CD160: variants seen among roughly 807,000 people sequenced by gnomAD.
CD160 encodes the protein CD160 antigen.
A neutral mutation model predicts 19.2 loss-of-function variants in CD160; 11 were observed. That is an observed-to-expected ratio of 0.57 (90% confidence interval 0.36 to 0.95). The LOEUF is 0.95. Ranked by LOEUF, CD160 falls within the 40% of genes least tolerant of loss-of-function variation. The pLI is 0.01. For missense variants in CD160, 182 were observed against 213.2 expected (o/e 0.85, Z 0.91); for synonymous variants, 75 against 81.1 (o/e 0.93, Z 0.40).
chr1:145,720,019 A>G (rs1656766825), intron 1 of CD160, among the ~76,000 whole-genome samples: 1 of 152,216 alleles, frequency 6.6e-6, no homozygotes, highest in African/African-American at 2.4e-5. Flanking sequence ...GGAAAAATAC[A>G]TCTTTATTTT....
intron 5 of CD160, 137 bp downstream of exon 5, chr1:145,736,271 T>G (rs1553710179): frequency 6.4e-7 from 1 of 1,557,416 alleles, no homozygotes; most frequent in Admixed American, 2.0e-5. Context: ...GCCCTGGCTA[T>G]CCACAGGAAA....
At chr1:145,726,599 G>A (rs1255261698) in intron 2 of CD160, among the ~76,000 whole-genome samples, 1 of 152,158 alleles carries the variant, frequency 6.6e-6, no homozygotes, top group Non-Finnish European at 1.5e-5. Flanking sequence ...GGGCCCGGGG[G>A]AGGGATAGCA....
At chr1:145,722,429 C>T (rs78924314) in intron 1 of CD160, among the ~76,000 whole-genome samples, 3,890 of 152,202 alleles carry the variant, frequency 0.026, 182 homozygotes, top group African/African-American at 0.089. Flanking sequence ...CTAAAACGTC[C>T]GCCTCTGCTG....
At position 145,730,761 on chromosome 1, in the gene CD160, A is replaced by G. The variant is rs1553709019; in HGVS notation, c.91A>G (p.Ser31Gly). 1 of 1,613,030 alleles carries G rather than the reference A, an allele frequency of 6.2e-7. No individual in the cohort carries two copies. Among genetic ancestry groups the G allele is most frequent in the East Asian group, 2.2e-5 (1 of 44,886 alleles). Residue 31 changes from serine to glycine, a missense_variant, in exon 4 of 6, where the codon AGC (serine) becomes GGC (glycine). By Grantham distance (56) the Ser-to-Gly change is moderately conservative. Transcript: ENST00000369288. The part of the protein sequence containing the change: ...IQSGGCINIT[S>G]SASQEGTRLN... The stretch of plus-strand genomic sequence containing the variant: ...CATTCCAGGATGCATTAACATCACC[A>G]GCTCAGCTTCCCAGGAAGGAACGCG...
At chr1:145,726,545 C>A (rs1275674893) in intron 2 of CD160, among the ~76,000 whole-genome samples, 12 of 152,100 alleles carry the variant, frequency 7.9e-5, no homozygotes, top group African/African-American at 2.7e-4. Flanking sequence ...AACACATGAA[C>A]CCAGGGTGGG....
At chr1:145,720,547 C>T (rs782640366) in intron 1 of CD160, among the ~76,000 whole-genome samples, 12 of 152,178 alleles carry the variant, frequency 7.9e-5, no homozygotes, top group Admixed American at 5.9e-4. Flanking sequence ...CCCTTCACAG[C>T]TGCAAATGAG....
At position 145,728,335 on chromosome 1, in the gene CD160, T is replaced by A; in HGVS notation, c.8T>A (p.Leu3Ter). The A allele has an allele frequency of 6.2e-7, 1 of 1,612,768 alleles. No individual in the cohort carries two copies. ML[L>*]EPGRGCCALA... is the part of the protein sequence containing the mutation. ...CTGCTGACAGCGTGCAGGATGCTGT[T>A]GGAACCCGGCAGAGGCTGCTGTGCC... Residue 3 changes from leucine to a stop codon, truncating the protein, a stop_gained, in exon 3 of 6, where the codon TTG (leucine) becomes TAG (stop). Coordinates refer to ENST00000369288, the MANE Select transcript of CD160 (RefSeq NM_007053.4). LOFTEE classifies it high-confidence loss of function.
intron 2 of CD160, among the ~76,000 whole-genome samples, chr1:145,725,202 A>G (rs1411087744): frequency 2.0e-5 from 3 of 151,762 alleles, no homozygotes; most frequent in African/African-American, 7.3e-5. Flanking sequence ...GGTGGATCAC[A>G]AGGTTAGGAG....
intron 4 of CD160, among the ~76,000 whole-genome samples, chr1:145,733,296 CAACT>C (rs782813962): frequency 2.7e-4 from 41 of 152,104 alleles, no homozygotes; most frequent in Non-Finnish European, 5.3e-4. Context: ...ACCACCCATC[CAACT>C]AATTTTTTTT....
intron 5 of CD160, chr1:145,737,125 G>A (rs1231540482): frequency 2.0e-5 from 3 of 152,008 alleles, no homozygotes; most frequent in African/African-American, 7.3e-5. Context: ...ATTAGGCATG[G>A]TGGCACACAA....
chr1:145,726,895 CA>C (rs782599400), intron 2 of CD160, among the ~76,000 whole-genome samples: 1 of 152,052 alleles, frequency 6.6e-6, no homozygotes, highest in Non-Finnish European at 1.5e-5. Context: ...ATTCTCGGAT[CA>C]AAAGAATCAA....
intron 5 of CD160, 43 bp downstream of exon 5, chr1:145,736,177 CTAT>C (rs1553710141): frequency 6.2e-7 from 1 of 1,613,586 alleles, no homozygotes; most frequent in South Asian, 1.1e-5. Flanking sequence ...AATGAGGGTG[CTAT>C]TATATTTCTG....
intron 4 of CD160, 68 bp downstream of exon 4, chr1:145,731,138 C>G (rs1657277150): frequency 3.2e-6 from 4 of 1,252,394 alleles, no homozygotes; most frequent in South Asian, 1.4e-5. Context: ...GGAGATGTAA[C>G]CAGATAGTTC....
chr1:145,720,087 C>G (rs1656769291), intron 1 of CD160, among the ~76,000 whole-genome samples: 2 of 152,138 alleles, frequency 1.3e-5, no homozygotes, highest in Admixed American at 1.3e-4. Context: ...GACAATGAAC[C>G]ACAATAGAAT....
chr1:145,738,355 C>A, intron 5 of CD160, 131 bp from the exon 6 acceptor site: 1 of 508,702 alleles, frequency 2.0e-6, no homozygotes, highest in Non-Finnish European at 3.4e-6. Flanking sequence ...TTCCCACTTT[C>A]CTTTTCCAAT....
Position 145,736,015 on chromosome 1 carries a change from T to C in CD160, c.419T>C (p.Val140Ala). The C allele has an allele frequency of 1.2e-6, 2 of 1,613,206 alleles. No homozygotes were observed. The highest frequency in any genetic ancestry group is 1.7e-6 in the Non-Finnish European group (2 of 1,179,220). The change falls in exon 5 of 6, where the codon GTG becomes GCG. Residue 140 changes from valine to alanine, a missense_variant. Val to Ala is a moderately conservative substitution (Grantham distance 64). Coordinates refer to ENST00000369288, the MANE Select transcript of CD160 (RefSeq NM_007053.4). ...GAACCAGAGACAGGGAACTACACAG[T>C]GACGGGATTGAAACAAAGACAACAC... The part of the protein sequence containing the change: ...ILFTETGNYT[V>A]TGLKQRQHLE...
chr1:145,736,138 T>G lies in CD160; in HGVS notation c.538+4T>G, dbSNP rs372472706. The G allele has an allele frequency of 6.2e-7, 1 of 1,614,184 alleles. No homozygotes were observed. The highest frequency in any genetic ancestry group is 1.7e-5 in the Admixed American group (1 of 60,014). On this transcript the variant is annotated splice_donor_region_variant and intron_variant, in intron 5 of 5. Transcript: ENST00000369288. ...ACCAGCCTTGTGGCCCTTCAAGGTATGTCCAAAAGAGCCGTAAGCACCCCA... is the reference window on the plus strand; with the variant it reads ...ACCAGCCTTGTGGCCCTTCAAGGTAGGTCCAAAAGAGCCGTAAGCACCCCA...
chr1:145,731,105 GGACAGTGAGCAGGGTT>G, intron 4 of CD160, 35 bp downstream of exon 4: 1 of 1,539,842 alleles, frequency 6.5e-7, no homozygotes, highest in South Asian at 1.2e-5. Context: ...CCACCAGGTG[GGACAGTGAGCAGGGTT>G]GACAGTGGAG....
chr1:145,735,949 G>A (rs782794930), intron 4 of CD160, 48 bp from the exon 5 acceptor site: 1 of 1,323,370 alleles, frequency 7.6e-7, no homozygotes, highest in Non-Finnish European at 1.1e-6. Flanking sequence ...AGGAGATACT[G>A]ATGATTTCTG....
Sources: allele counts gnomAD v4.1 joint callset (sites outside exome capture counted in the v4.1 genomes callset), GRCh38; gene constraint gnomAD v4.1.1; transcripts MANE v1.5; gene names NCBI Gene and HGNC (gene_info 2026-07-23, HGNC 2026-07-21).